MSRA: variants seen among roughly 807,000 people sequenced by gnomAD.
The protein encoded by MSRA is mitochondrial peptide methionine sulfoxide reductase.
In MSRA, 54 loss-of-function variants were observed where a neutral mutation model predicts 31.3. The ratio of observed to expected loss-of-function variants is 1.73; its 90% CI spans 1.39 to 2.17. The LOEUF is 2.17. MSRA is among the 30% of genes most tolerant of loss of function. The pLI is 0.00. For missense variants in MSRA, 507 were observed against 300.9 expected (o/e 1.69, Z -5.07); for synonymous variants, 169 against 116.5 (o/e 1.45, Z -2.90).
intron 1 of MSRA, among the ~76,000 whole-genome samples, chr8:10,106,784 G>A (rs1435363266): frequency 6.6e-6 from 1 of 152,026 alleles, no homozygotes; most frequent in Non-Finnish European, 1.5e-5. Flanking sequence ...TTGGGAATGT[G>A]TCCTTAGGTC....
intron 1 of MSRA, among the ~76,000 whole-genome samples, chr8:10,171,717 C>T (rs919318982): frequency 6.6e-6 from 1 of 152,184 alleles, no homozygotes; most frequent in Non-Finnish European, 1.5e-5. Context: ...CATGTGTAAA[C>T]ACTTTGAACA....
intron 5 of MSRA, chr8:10,353,563 C>T (rs1165935197): frequency 2.2e-6 from 1 of 455,242 alleles, no homozygotes; most frequent in African/African-American, 2.0e-5. Flanking sequence ...TAACGAGATG[C>T]AATTTTCTGG....
At chr8:10,148,801 CAAAAA>C (rs372289649) in intron 1 of MSRA, among the ~76,000 whole-genome samples, 3 of 89,136 alleles carry the variant, frequency 3.4e-5, no homozygotes, top group Non-Finnish European at 7.2e-5. Context: ...GACCCTGTCG[CAAAAA>C]AAAAAAAAAA....
intron 5 of MSRA, among the ~76,000 whole-genome samples, chr8:10,366,318 C>T (rs966573512): frequency 6.6e-6 from 1 of 152,262 alleles, no homozygotes; most frequent in African/African-American, 2.4e-5. Context: ...CACCTGCCTA[C>T]AGTTTGAAAC....
At chr8:10,164,890 T>G (rs886372162) in intron 1 of MSRA, among the ~76,000 whole-genome samples, 5 of 152,124 alleles carry the variant, frequency 3.3e-5, no homozygotes, top group Non-Finnish European at 5.9e-5. Flanking sequence ...TAGCCTGGTG[T>G]TGTCGCAGAC....
At chr8:10,113,450 G>A (rs188094502) in intron 1 of MSRA, among the ~76,000 whole-genome samples, 1 of 151,672 alleles carries the variant, frequency 6.6e-6, no homozygotes, top group South Asian at 2.1e-4. Flanking sequence ...GCTTTTACCT[G>A]TAATGGGAGG....
intron 5 of MSRA, among the ~76,000 whole-genome samples, chr8:10,377,994 G>A: frequency 6.6e-6 from 1 of 152,244 alleles, no homozygotes; most frequent in East Asian, 1.9e-4. Flanking sequence ...CAGAACAGAA[G>A]CTTCTAATCA....
intron 2 of MSRA, among the ~76,000 whole-genome samples, chr8:10,233,290 A>G (rs965261991): frequency 6.6e-5 from 10 of 152,190 alleles, no homozygotes; most frequent in Admixed American, 4.6e-4. Flanking sequence ...AAGGTGACAC[A>G]CCCATGTGTG....
chr8:10,235,776 G>A (rs1043566380), intron 2 of MSRA, among the ~76,000 whole-genome samples: 1 of 152,054 alleles, frequency 6.6e-6, no homozygotes, highest in Non-Finnish European at 1.5e-5. Context: ...TTACATAGGA[G>A]AGAAAATAAG....
At chr8:10,262,683 C>T (rs1233510207) in intron 3 of MSRA, among the ~76,000 whole-genome samples, 1 of 152,112 alleles carries the variant, frequency 6.6e-6, no homozygotes, top group Non-Finnish European at 1.5e-5. Flanking sequence ...AAATTTCTTT[C>T]CCCAGGCATC....
At chr8:10,299,816 T>A (rs1800746021) in intron 3 of MSRA, among the ~76,000 whole-genome samples, 1 of 152,194 alleles carries the variant, frequency 6.6e-6, no homozygotes, top group African/African-American at 2.4e-5. Context: ...TGAAAAGCAG[T>A]TTGGAGCTAG....
In MSRA at chr8:10,384,493, C is replaced by G. The variant is rs146681826; in HGVS notation, c.544-43655C>G. Reference sequence around the variant, plus strand: ...CCTGGTGGAGAACGAGGACGATGTCCAGGTCACAGGTTCTCAACTCTGGCT... The same window carrying G: ...CCTGGTGGAGAACGAGGACGATGTCGAGGTCACAGGTTCTCAACTCTGGCT... On this transcript the variant is annotated intron_variant, in intron 5 of 5. Transcript: ENST00000317173. Among the ~76,000 whole-genome samples the G allele has an allele frequency of 3.1e-3, 479 of 152,274 alleles. 3 individuals carry two copies. Among genetic ancestry groups the G allele is most frequent in the African/African-American group, 0.01 (425 of 41,558 alleles).
In MSRA at chr8:10,400,378, T is replaced by TGTGTGTGTGTA. The variant is rs58129201; in HGVS notation, c.544-27764_544-27763insGTGTAGTGTGT. Among the ~76,000 whole-genome samples the TGTGTGTGTGTA allele has an allele frequency of 6.0e-3, 666 of 110,340 alleles. 4 individuals are homozygous for TGTGTGTGTGTA. The highest frequency in any genetic ancestry group is 0.019 in the East Asian group (82 of 4,410). 72.4% of individuals were successfully genotyped at this position (110,340 alleles called of 152,430 possible). On this transcript the variant is annotated intron_variant, in intron 5 of 5. Transcript: ENST00000317173. ...TTCAGGCTCTGTGTGTGTGTGTGTG[T>TGTGTGTGTGTA]GTGTGTAGTGTGTAGTGTGTAGGGA... is the stretch of plus-strand genomic sequence containing the variant.
chr8:10,424,686 G>T (rs2129197578), intron 5 of MSRA, among the ~76,000 whole-genome samples: 1 of 152,192 alleles, frequency 6.6e-6, no homozygotes, highest in Admixed American at 6.5e-5. Context: ...GGGTGGGTTG[G>T]ATCGGAGAGA....
At chr8:10,386,449 A>G (rs1255917242) in intron 5 of MSRA, among the ~76,000 whole-genome samples, 1 of 152,232 alleles carries the variant, frequency 6.6e-6, no homozygotes, top group Admixed American at 6.5e-5. Context: ...CTGGAGCATC[A>G]TTGACATCAT....
chr8:10,118,713 G>T (rs1027706377), intron 1 of MSRA, among the ~76,000 whole-genome samples: 1 of 152,098 alleles, frequency 6.6e-6, no homozygotes, highest in South Asian at 2.1e-4. Flanking sequence ...GAGGACGCCT[G>T]GCCTCATCTT....
intron 2 of MSRA, among the ~76,000 whole-genome samples, chr8:10,241,124 A>T (rs181857832): frequency 6.4e-4 from 97 of 152,246 alleles, no homozygotes; most frequent in African/African-American, 2.2e-3. Context: ...CAGCCACATC[A>T]TCCCCTAGTG....
At chr8:10,290,209 C>T (rs1800157444) in intron 3 of MSRA, among the ~76,000 whole-genome samples, 1 of 152,174 alleles carries the variant, frequency 6.6e-6, no homozygotes, top group Admixed American at 6.5e-5. Flanking sequence ...GAGGAGTGAG[C>T]AGGTCCCAAG....
At chr8:10,323,432 T>C (rs1802171163) in intron 5 of MSRA, among the ~76,000 whole-genome samples, 1 of 152,156 alleles carries the variant, frequency 6.6e-6, no homozygotes, top group African/African-American at 2.4e-5. Flanking sequence ...TATGATGATA[T>C]CCTGGTGTTT....
Sources: gnomAD v4.1 joint callset for allele counts (sites outside exome capture counted in the v4.1 genomes callset) on GRCh38, gnomAD v4.1.1 for gene constraint, MANE v1.5 for transcripts, NCBI Gene and HGNC (gene_info 2026-07-23, HGNC 2026-07-21) for gene names.